The following LARP4B variants were observed in gnomAD, a reference collection of about 807,000 sequenced individuals.
LARP4B encodes La ribonucleoprotein 4B, also known as la-related protein 4B.
In LARP4B, 12 loss-of-function variants were observed where a neutral mutation model predicts 89.8. That is an observed-to-expected ratio of 0.13 (90% confidence interval 0.09 to 0.22). LARP4B has a LOEUF of 0.22. LARP4B is among the 10% of genes least tolerant of loss of function. The probability of loss-of-function intolerance (pLI) is 1.00; values close to 1 mark genes in which losing one functional copy is unlikely to be tolerated. For missense variants in LARP4B, 757 were observed against 947.7 expected, an observed-to-expected ratio of 0.80 and a Z score of 2.64; for synonymous variants, 367 against 363.3, an observed-to-expected ratio of 1.01 and a Z score of -0.12.
At chr10:820,406 T>C (rs758103992) in intron 14 of LARP4B, 29 of 175,778 alleles carry the variant, frequency 1.6e-4, no homozygotes, top group Non-Finnish European at 3.2e-4. Flanking sequence ...ACAAACAAAT[T>C]GCTCCGTGGA....
chr10:859,016 G>A (rs1834449514), intron 5 of LARP4B, among the ~76,000 whole-genome samples: 1 of 152,216 alleles, frequency 6.6e-6, no homozygotes, highest in African/African-American at 2.4e-5. Flanking sequence ...GCTGGGTGTG[G>A]TGGCTCACGC....
upstream of LARP4B, among the ~76,000 whole-genome samples, chr10:931,971 G>A (rs375761508): frequency 1.6e-4 from 22 of 135,088 alleles, no homozygotes; most frequent in East Asian, 3.6e-3. Flanking sequence ...CCGCACGTCC[G>A]CCCCGCCCGC....
intron 13 of LARP4B, among the ~76,000 whole-genome samples, chr10:824,772 C>T (rs896164384): frequency 6.6e-6 from 1 of 152,200 alleles, no homozygotes; most frequent in East Asian, 1.9e-4. Context: ...CCTGGTGAGC[C>T]AGGGGTGCTG....
the LARP4B span, among the ~76,000 whole-genome samples, chr10:948,112 C>T: frequency 1.3e-5 from 2 of 152,034 alleles, no homozygotes; most frequent in Admixed American, 6.6e-5. Flanking sequence ...GAGATTCCTG[C>T]GCTGCTCCCT....
chr10:921,510 G>C (rs561036587), intron 1 of LARP4B, among the ~76,000 whole-genome samples: 1 of 152,064 alleles, frequency 6.6e-6, no homozygotes, highest in Non-Finnish European at 1.5e-5. Context: ...AGGGGGACGC[G>C]GGGAGGGGGA....
At chr10:897,331 A>G (rs1291453109) in intron 1 of LARP4B, among the ~76,000 whole-genome samples, 19 of 152,252 alleles carry the variant, frequency 1.2e-4, no homozygotes, top group Non-Finnish European at 1.6e-4. Flanking sequence ...CAACATGAAA[A>G]TAATGAAGCT....
the LARP4B span, among the ~76,000 whole-genome samples, chr10:975,204 A>G: frequency 6.6e-6 from 1 of 152,268 alleles, no homozygotes; most frequent in East Asian, 1.9e-4. Flanking sequence ...TAGCACATCT[A>G]TTAATGAGAA....
chr10:946,003 G>C, the LARP4B span, among the ~76,000 whole-genome samples: 3 of 152,190 alleles, frequency 2.0e-5, no homozygotes, highest in African/African-American at 7.2e-5. Flanking sequence ...AAGAATGTAA[G>C]CCCAGCCTGT....
At chr10:974,134 C>G in the LARP4B span, among the ~76,000 whole-genome samples, 1 of 152,112 alleles carries the variant, frequency 6.6e-6, no homozygotes, top group Non-Finnish European at 1.5e-5. Context: ...ACCTTTTGTG[C>G]GAGGTCTGGG....
chr10:874,871 C>T (rs1371712722), intron 3 of LARP4B, among the ~76,000 whole-genome samples: 2 of 152,052 alleles, frequency 1.3e-5, no homozygotes, highest in African/African-American at 4.8e-5. Context: ...TGGTAGTCAA[C>T]ACTTTATATA....
At chr10:899,378 C>T (rs1382610747) in intron 1 of LARP4B, among the ~76,000 whole-genome samples, 1 of 152,162 alleles carries the variant, frequency 6.6e-6, no homozygotes, top group Non-Finnish European at 1.5e-5. Context: ...GTCAGGAACT[C>T]CCTACTCACA....
At chr10:909,995 T>C (rs1836623085) in intron 1 of LARP4B, among the ~76,000 whole-genome samples, 1 of 152,138 alleles carries the variant, frequency 6.6e-6, no homozygotes, top group South Asian at 2.1e-4. Context: ...TTGAGCTATG[T>C]GAGGTATGCA....
chr10:928,073 T>A (rs1445558590), intron 1 of LARP4B, among the ~76,000 whole-genome samples: 5 of 139,328 alleles, frequency 3.6e-5, no homozygotes, highest in African/African-American at 7.7e-5. Flanking sequence ...AAAAAAAAAA[T>A]TAGCCAGGTG....
At chr10:974,517 A>G in the LARP4B span, among the ~76,000 whole-genome samples, 1 of 152,160 alleles carries the variant, frequency 6.6e-6, no homozygotes, top group Non-Finnish European at 1.5e-5. Flanking sequence ...TAAATTGGGA[A>G]TGTGAAAGGC....
chr10:985,493 G>A, the LARP4B span: 2 of 152,226 alleles, frequency 1.3e-5, no homozygotes, highest in African/African-American at 4.8e-5. Context: ...GGATCACAGC[G>A]GGTGGAGCTG....
At chr10:919,029 G>A (rs561535957) in intron 1 of LARP4B, among the ~76,000 whole-genome samples, 6 of 151,368 alleles carry the variant, frequency 4.0e-5, no homozygotes, top group Non-Finnish European at 5.9e-5. Flanking sequence ...TGCAGTGAGC[G>A]GAGATCAAGC....
intron 1 of LARP4B, among the ~76,000 whole-genome samples, chr10:920,679 C>G (rs1338635184): frequency 6.6e-6 from 1 of 151,900 alleles, no homozygotes; most frequent in Non-Finnish European, 1.5e-5. Flanking sequence ...GGTTGAAGCA[C>G]GAGAATCACT....
chr10:903,419 A>G (rs779444040), intron 1 of LARP4B: 6 of 152,168 alleles, frequency 3.9e-5, no homozygotes, highest in Non-Finnish European at 8.8e-5. Context: ...GCATATATAA[A>G]CTTATCTTAC....
intron 1 of LARP4B, among the ~76,000 whole-genome samples, chr10:916,361 T>C (rs1836822792): frequency 6.6e-6 from 1 of 152,240 alleles, no homozygotes; most frequent in Non-Finnish European, 1.5e-5. Flanking sequence ...AAATTTGCTT[T>C]TTCTTCAAGG....
Sources: gnomAD v4.1 joint callset for allele counts (sites outside exome capture counted in the v4.1 genomes callset) on GRCh38, gnomAD v4.1.1 for gene constraint, MANE v1.5 for transcripts, NCBI Gene and HGNC (gene_info 2026-07-23, HGNC 2026-07-21) for gene names.